Variants in PLCH1 observed in about 807,000 individuals in gnomAD.
PLCH1 encodes phospholipase C eta 1, also known as 1-phosphatidylinositol 4,5-bisphosphate phosphodiesterase eta-1.
A neutral mutation model predicts 126.7 loss-of-function variants in PLCH1; 60 were observed. That is an observed-to-expected ratio of 0.47 (90% CI 0.38 to 0.59). The LOEUF (loss-of-function observed/expected upper bound fraction) is 0.59. PLCH1 is among the 20% of genes least tolerant of loss of function. PLCH1 has a pLI of 0.00. For synonymous variants in PLCH1, 719 were observed against 734.9 expected, an observed-to-expected ratio of 0.98 and a Z score of 0.35; for missense variants, 1,723 against 2,040.0, an observed-to-expected ratio of 0.84 and a Z score of 2.99.
At chr3:155,639,524 C>T (rs1739147560) in intron 2 of PLCH1, among the ~76,000 whole-genome samples, 1 of 152,074 alleles carries the variant, frequency 6.6e-6, no homozygotes, top group African/African-American at 2.4e-5. Context: ...GACCAAACTC[C>T]AAGCCTATAT....
At chr3:155,526,151 C>T (rs1576910784) in intron 10 of PLCH1, among the ~76,000 whole-genome samples, 1 of 152,152 alleles carries the variant, frequency 6.6e-6, no homozygotes, top group African/African-American at 2.4e-5. Flanking sequence ...GCCAAGGCGA[C>T]TGCAGTAGGC....
Position 155,602,864 on chromosome 3 carries a change from C to G in PLCH1, c.80-6486G>C, listed in dbSNP as rs77455350. Reference sequence around the variant, plus strand: ...ATACATATTTGTGCATGTATATTTGCATGTTTGTGTATATGTGTATGTTTT... The same window carrying G: ...ATACATATTTGTGCATGTATATTTGGATGTTTGTGTATATGTGTATGTTTT... On this transcript the variant is annotated intron_variant, in intron 2 of 22. Transcript: ENST00000460012. Among the ~76,000 whole-genome samples the G allele has an allele frequency of 3.9e-5, 6 of 152,202 alleles. No individual in the cohort carries two copies. The East Asian group carries it at 1.2e-3, about 29-fold the overall frequency.
At chr3:155,592,312 G>A (rs796737075) in intron 4 of PLCH1, among the ~76,000 whole-genome samples, 41 of 136,762 alleles carry the variant, frequency 3.0e-4, no homozygotes, top group African/African-American at 1.1e-3. Context: ...GTGAAATGCT[G>A]CTCTACTAAA....
intron 1 of PLCH1, chr3:155,743,854 C>G (rs1469278108): frequency 5.4e-6 from 1 of 185,242 alleles, no homozygotes; most frequent in Non-Finnish European, 1.1e-5. Flanking sequence ...AATCACTTCA[C>G]TGAATTTTCT....
At position 155,583,674 on chromosome 3, in the gene PLCH1, T is replaced by G. The variant is rs374650147; in HGVS notation, c.601-32A>C. 8.7e-6 allele frequency: 13 copies of G among 1,487,538 alleles called. No homozygotes were observed. In the African/African-American group the frequency reaches 1.6e-4, roughly 18 times the overall value. 92.1% of individuals were successfully genotyped at this position (1,487,538 alleles called of 1,614,324 possible). ...AGGGCATAGAGAAAATAAAGTAATA[T>G]GAAAGTTAGAAATAGGAAATTCAGT... On this transcript the variant is annotated intron_variant, in intron 5 of 22. Coordinates refer to ENST00000460012, the MANE Select transcript of PLCH1 (RefSeq NM_014996.4).
rs531362065 is a variant in PLCH1 at position 155,675,363 on chromosome 3, T to C, written c.79+28783A>G. On this transcript the variant is annotated intron_variant, in intron 2 of 22. Coordinates refer to ENST00000460012, the MANE Select transcript of PLCH1 (RefSeq NM_014996.4). ...TCTTATAATTCAAGAACAATCTCCA[T>C]AGATTTTCAATTTCTAATCTCCTAA... 3.9e-4 allele frequency among the ~76,000 whole-genome samples: 60 copies of C among 152,324 alleles called. 1 individual carries two copies. Among genetic ancestry groups the C allele is most frequent in the Middle Eastern group, 6.8e-3 (2 of 294 alleles).
chr3:155,672,213 G>C lies in PLCH1; in HGVS notation c.79+31933C>G, dbSNP rs1233071446. Among the ~76,000 whole-genome samples, 5 of 152,100 alleles carry C rather than the reference G, an allele frequency of 3.3e-5. No homozygotes were observed. The East Asian group carries it at 9.6e-4, about 29-fold the overall frequency. On this transcript the variant is annotated intron_variant, in intron 2 of 22. Coordinates refer to ENST00000460012, the MANE Select transcript of PLCH1 (RefSeq NM_014996.4). ...TCCTGAGTTAATCTATAAATGTAATGTAATTCCAACCAAAACCCCAACTAA... is the reference window on the plus strand; with the variant it reads ...TCCTGAGTTAATCTATAAATGTAATCTAATTCCAACCAAAACCCCAACTAA...
Position 155,551,444 on chromosome 3 carries a change from GAAAAAAAAAAAAAAAAA to G in PLCH1, c.1191-1503_1191-1487del, listed in dbSNP as rs59794505. ...TGGGCGACAGAGCAAGGCTGCCTCAGAAAAAAAAAAAAAAAAAAAAAAAAAAAAAAAAAAAAGCCTAA... is the reference window on the plus strand; with the variant it reads ...TGGGCGACAGAGCAAGGCTGCCTCAGAAAAAAAAAAAAAAAAAAAGCCTAA... On this transcript the variant is annotated intron_variant, in intron 9 of 22. Transcript: ENST00000460012. 3.3e-4 allele frequency among the ~76,000 whole-genome samples: 14 copies of G among 42,088 alleles called. 1 individual carries two copies. Among genetic ancestry groups the G allele is most frequent in the Admixed American group, 2.5e-3 (6 of 2,412 alleles). 27.6% of individuals were successfully genotyped at this position (42,088 alleles called of 152,430 possible).
At chr3:155,648,371 T>G (rs1222435985) in intron 2 of PLCH1, among the ~76,000 whole-genome samples, 2 of 152,148 alleles carry the variant, frequency 1.3e-5, no homozygotes, top group Non-Finnish European at 2.9e-5. Flanking sequence ...AAGGGCAACT[T>G]TACGGACAGA....
chr3:155,725,332 T>C (rs745906665), intron 1 of PLCH1, among the ~76,000 whole-genome samples: 4 of 152,214 alleles, frequency 2.6e-5, no homozygotes, highest in Non-Finnish European at 5.9e-5. Context: ...AAATGCTTTT[T>C]GCAATTTAAA....
chr3:155,518,577 A>G (rs748566989), intron 11 of PLCH1, among the ~76,000 whole-genome samples: 1 of 152,218 alleles, frequency 6.6e-6, no homozygotes, highest in East Asian at 1.9e-4. Context: ...CATTATTTCT[A>G]TCATGGAACC....
intron 3 of PLCH1, among the ~76,000 whole-genome samples, chr3:155,594,759 T>TA (rs879565341): frequency 6.1e-4 from 90 of 148,320 alleles, no homozygotes; most frequent in Middle Eastern, 3.4e-3. Context: ...AAATTTGTAG[T>TA]AAAAAAAAAA....
chr3:155,584,264 T>A (rs929530345), intron 5 of PLCH1, among the ~76,000 whole-genome samples: 23 of 152,152 alleles, frequency 1.5e-4, no homozygotes, highest in Admixed American at 1.3e-3. Flanking sequence ...GAAGATATAT[T>A]TAACACTTGA....
intron 21 of PLCH1, among the ~76,000 whole-genome samples, chr3:155,458,429 GGAAGGAAGGAAGGAAGGAAGGAAGGAAA>G (rs1560027171): frequency 8.2e-4 from 62 of 75,622 alleles, no homozygotes; most frequent in Admixed American, 2.1e-3. Context: ...AAGGAAGGAA[GGAAGGAAGGAAGGAAGGAAGGAAGGAAA>G]GAAAGAAAGA....
intron 6 of PLCH1, among the ~76,000 whole-genome samples, chr3:155,578,911 A>C (rs1366930005): frequency 6.6e-6 from 1 of 152,172 alleles, no homozygotes; most frequent in Non-Finnish European, 1.5e-5. Flanking sequence ...TAAAGTGACC[A>C]TCAGCACCTT....
At chr3:155,734,710 C>CTTT (rs1226347081) in intron 1 of PLCH1, among the ~76,000 whole-genome samples, 4 of 135,524 alleles carry the variant, frequency 3.0e-5, no homozygotes, top group Non-Finnish European at 6.5e-5. Flanking sequence ...TTTTCTTTTT[C>CTTT]TTTTTTTTTT....
chr3:155,659,969 G>A (rs182425732), intron 2 of PLCH1, among the ~76,000 whole-genome samples: 205 of 152,240 alleles, frequency 1.3e-3, no homozygotes, highest in South Asian at 2.1e-3. Context: ...AACATCAGTC[G>A]ATCATTAGAA....
intron 10 of PLCH1, among the ~76,000 whole-genome samples, chr3:155,540,044 C>T (rs1724018218): frequency 6.6e-6 from 1 of 152,024 alleles, no homozygotes; most frequent in Non-Finnish European, 1.5e-5. Flanking sequence ...AAAATAGGCA[C>T]ATAGACCAAT....
At chr3:155,685,840 C>T (rs369300533) in intron 2 of PLCH1, among the ~76,000 whole-genome samples, 3 of 152,188 alleles carry the variant, frequency 2.0e-5, no homozygotes, top group East Asian at 3.8e-4. Context: ...AAGCATTAAA[C>T]CAAGCACAGG....
Sources: allele counts gnomAD v4.1 joint callset (sites outside exome capture counted in the v4.1 genomes callset), GRCh38; gene constraint gnomAD v4.1.1; transcripts MANE v1.5; gene names NCBI Gene and HGNC (gene_info 2026-07-23, HGNC 2026-07-21).